Variants in SLC41A3 observed in about 807,000 individuals in gnomAD.
SLC41A3 encodes solute carrier family 41 member 3, also known as SLC41A1-like 2.
In SLC41A3, 44 loss-of-function variants were observed where a neutral mutation model predicts 45.4. That is an observed-to-expected ratio of 0.97 (90% CI 0.76 to 1.25). SLC41A3 has a LOEUF of 1.25. SLC41A3 is among the 50% of genes most tolerant of loss of function. The pLI is 0.00. For missense variants in SLC41A3, 550 were observed against 600.6 expected, an observed-to-expected ratio of 0.92 and a Z score of 0.88; for synonymous variants, 256 against 252.4, an observed-to-expected ratio of 1.01 and a Z score of -0.13.
At chr3:126,014,750 G>C (rs1353314162) in intron 8 of SLC41A3, among the ~76,000 whole-genome samples, 1 of 152,240 alleles carries the variant, frequency 6.6e-6, no homozygotes, top group Non-Finnish European at 1.5e-5. Flanking sequence ...CTGCAGGCCA[G>C]GGCCTGGGGG....
At chr3:126,019,677 G>A (rs929001406) in intron 6 of SLC41A3, among the ~76,000 whole-genome samples, 1 of 152,180 alleles carries the variant, frequency 6.6e-6, no homozygotes, top group Admixed American at 6.5e-5. Flanking sequence ...AGCAGACACT[G>A]GGGCTTATGA....
rs1939844887 is a variant in SLC41A3, at chr3:126,012,697, C to T, written c.1023G>A (p.Leu341=). The part of the protein sequence containing the change: ...AIQTSRISTY[L]HMWSAPGVLP... ...GGACGCCAGGTGCACTCCACATGTG[C>T]AGGTAGGTTGAGATTCGGCTGGTCT... The change falls in exon 9 of 11, where the codon CTG becomes CTA. Residue 341 remains leucine, a synonymous_variant. Transcript: ENST00000360370. 3 of 1,614,202 alleles carry T rather than the reference C, an allele frequency of 1.9e-6. No homozygotes were observed. The highest frequency in any genetic ancestry group is 2.5e-6 in the Non-Finnish European group (3 of 1,180,038).
At chr3:126,077,886 C>A (rs1014123005) in intron 1 of SLC41A3, among the ~76,000 whole-genome samples, 1 of 152,200 alleles carries the variant, frequency 6.6e-6, no homozygotes, top group Non-Finnish European at 1.5e-5. Flanking sequence ...CTGTGATGTG[C>A]AGTGGGGACA....
chr3:126,034,194 C>T (rs371656195), intron 3 of SLC41A3, among the ~76,000 whole-genome samples: 5 of 152,182 alleles, frequency 3.3e-5, no homozygotes, highest in Admixed American at 1.3e-4. Context: ...ACCACCAATC[C>T]GCTCAATGTC....
intron 3 of SLC41A3, among the ~76,000 whole-genome samples, chr3:126,039,008 C>A (rs927815038): frequency 6.6e-6 from 1 of 152,112 alleles, no homozygotes; most frequent in Admixed American, 6.5e-5. Flanking sequence ...CCCTCCCTCT[C>A]GCTCCGTCTC....
rs748763708 is a variant in SLC41A3 at position 126,007,150 on chromosome 3, A to G, written c.1330T>C (p.Cys444Arg). 1.2e-6 allele frequency: 2 copies of G among 1,614,230 alleles called. No individual in the cohort carries two copies. Among genetic ancestry groups the G allele is most frequent in the Non-Finnish European group, 1.7e-6 (2 of 1,180,030 alleles). The change falls in exon 11 of 11, where the codon TGC becomes CGC. Residue 444 changes from cysteine (C) to arginine (R), a missense_variant. Transcript: ENST00000360370. Reference protein sequence around the residue: ...WHQALDPDNHCIPYLTGLGDL... With the variant: ...WHQALDPDNHRIPYLTGLGDL... The stretch of plus-strand genomic sequence containing the variant: ...CCCAGCCCTGTAAGGTAGGGGATGC[A>G]GTGGTTGTCAGGATCCAGGGCCTGG...
At position 126,012,714 on chromosome 3, in the gene SLC41A3, G is replaced by C. The variant is rs762697098; in HGVS notation, c.1006C>G (p.Arg336Gly). ...CACATGTGCAGGTAGGTTGAGATTCGGCTGGTCTGAATGGCCACCAGATTG... is the reference window on the plus strand; with the variant it reads ...CACATGTGCAGGTAGGTTGAGATTCCGCTGGTCTGAATGGCCACCAGATTG... ...GGNLVAIQTSRISTYLHMWSA... is the reference protein window; with the variant it reads ...GGNLVAIQTSGISTYLHMWSA... Residue 336 changes from arginine (R) to glycine (G), a missense_variant, in exon 9 of 11, where the codon CGA (arginine) becomes GGA (glycine). By Grantham distance (125) the Arg-to-Gly change is moderately radical. Transcript: ENST00000360370. 1.9e-6 allele frequency: 3 copies of C among 1,614,202 alleles called. No individual in the cohort carries two copies. Among genetic ancestry groups the C allele is most frequent in the Non-Finnish European group, 2.5e-6 (3 of 1,180,046 alleles).
intron 6 of SLC41A3, among the ~76,000 whole-genome samples, chr3:126,018,256 C>T (rs903366157): frequency 6.6e-5 from 10 of 152,200 alleles, no homozygotes; most frequent in African/African-American, 2.2e-4. Flanking sequence ...AATGAGCACA[C>T]GGTACAGCCT....
At chr3:126,012,812 AT>A in intron 8 of SLC41A3, 63 bp from the exon 9 acceptor site, 4 of 1,589,846 alleles carry the variant, frequency 2.5e-6, no homozygotes, top group Middle Eastern at 1.7e-4. Context: ...TGTATCCCTT[AT>A]TTTAAGTTCC....
chr3:126,045,027 T>G (rs1942872989), intron 3 of SLC41A3, among the ~76,000 whole-genome samples: 1 of 150,936 alleles, frequency 6.6e-6, no homozygotes, highest in African/African-American at 2.5e-5. Context: ...AACATACACT[T>G]GAACAACCAG....
At chr3:126,024,937 T>A (rs922936273) in intron 5 of SLC41A3, 2 of 152,246 alleles carry the variant, frequency 1.3e-5, no homozygotes, top group Non-Finnish European at 2.9e-5. Flanking sequence ...AGTACACACA[T>A]GTGTGAACAC....
rs776895372 is a variant in SLC41A3, at chr3:126,006,767, G to A, written c.*249C>T. ...TCCACAAACGTGTGCACACTTGCAC[G>A]CTCATTAAGCATGTGCACACATCAT... On this transcript the variant is annotated 3_prime_UTR_variant, in exon 11 of 11. Transcript: ENST00000360370. The A allele has an allele frequency of 1.5e-4, 211 of 1,441,914 alleles. No individual in the cohort carries two copies. Among genetic ancestry groups the A allele is most frequent in the Admixed American group, 3.7e-4 (13 of 34,956 alleles). 89.3% of individuals were successfully genotyped at this position (1,441,914 alleles called of 1,614,324 possible). A position where few individuals can be genotyped will look rare whatever the true frequency, so the allele number is the denominator to read the frequency against.
At chr3:126,061,264 TC>T (rs1435379472) in intron 2 of SLC41A3, among the ~76,000 whole-genome samples, 3 of 152,210 alleles carry the variant, frequency 2.0e-5, no homozygotes, top group African/African-American at 7.2e-5. Flanking sequence ...CTGTTAAGGT[TC>T]TTCTTTATTT....
chr3:126,093,542 G>A (rs554845690), intron 1 of SLC41A3, among the ~76,000 whole-genome samples: 1 of 152,370 alleles, frequency 6.6e-6, no homozygotes, highest in African/African-American at 2.4e-5. Flanking sequence ...GGTCCCAACA[G>A]GAGTCTGTGG....
chr3:126,010,063 G>T (rs1162490055), intron 9 of SLC41A3, among the ~76,000 whole-genome samples: 4 of 152,252 alleles, frequency 2.6e-5, no homozygotes, highest in Admixed American at 6.5e-5. Flanking sequence ...GGGCTGCAAT[G>T]AACAACATGG....
chr3:126,008,967 A>C, intron 9 of SLC41A3, 87 bp from the exon 10 acceptor site: 11 of 1,531,846 alleles, frequency 7.2e-6, no homozygotes, highest in Non-Finnish European at 9.8e-6. Context: ...ATCCACACTC[A>C]CTCATCCATT....
At chr3:126,092,506 C>T (rs983986477) in intron 1 of SLC41A3, 1 of 152,124 alleles carries the variant, frequency 6.6e-6, no homozygotes, top group Non-Finnish European at 1.5e-5. Flanking sequence ...CTGTGAGACC[C>T]CTGATTTCCC....
In SLC41A3 at chr3:126,063,949, A is replaced by ACCCC. The variant is rs56806357; in HGVS notation, c.273+3994_273+3997dup. 3.4e-3 allele frequency among the ~76,000 whole-genome samples: 342 copies of ACCCC among 102,010 alleles called. 15 individuals are homozygous for ACCCC. Among genetic ancestry groups the ACCCC allele is most frequent in the Non-Finnish European group, 5.0e-3 (239 of 47,622 alleles). The allele number at this position is 102,010 out of a possible 152,430, so 66.9% of individuals were successfully genotyped here. ...ACAGGCACTGATTAAGCCAGATCCA[A>ACCCC]CCCCCCCCCGGGGACACACACTCCC... is the stretch of plus-strand genomic sequence containing the variant. On this transcript the variant is annotated intron_variant, in intron 2 of 10. Coordinates refer to ENST00000360370, the MANE Select transcript of SLC41A3 (RefSeq NM_017836.4).
chr3:126,069,708 C>G (rs1944527918), intron 1 of SLC41A3, among the ~76,000 whole-genome samples: 1 of 151,664 alleles, frequency 6.6e-6, no homozygotes, highest in African/African-American at 2.4e-5. Context: ...AGAAACCGTA[C>G]CGGAAGAAGC....
Sources: gnomAD v4.1 joint callset for allele counts (sites outside exome capture counted in the v4.1 genomes callset) on GRCh38, gnomAD v4.1.1 for gene constraint, MANE v1.5 for transcripts, NCBI Gene and HGNC (gene_info 2026-07-23, HGNC 2026-07-21) for gene names.